Variants in SRSF7 observed in about 807,000 individuals in gnomAD.
The protein encoded by SRSF7 is serine and arginine rich splicing factor 7.
A neutral mutation model predicts 42.2 loss-of-function variants in SRSF7; 15 were observed. That is an observed-to-expected ratio of 0.36 (90% CI 0.24 to 0.55). The LOEUF is 0.55. SRSF7 is among the 20% of genes least tolerant of loss of function. The pLI, the probability that SRSF7 is intolerant of heterozygous loss-of-function variation, is 0.88. For synonymous variants in SRSF7, 138 were observed against 107.9 expected, an observed-to-expected ratio of 1.28 and a Z score of -1.73; for missense variants, 181 against 305.9, an observed-to-expected ratio of 0.59 and a Z score of 3.04.
chr2:38,748,197 T>C, intron 4 of SRSF7, 40 bp from the exon 5 acceptor site: 1 of 1,556,536 alleles, frequency 6.4e-7, no homozygotes. Flanking sequence ...ACAGTTTTTT[T>C]TTTTTTTGGC....
At chr2:38,746,107 T>C in intron 7 of SRSF7, 37 bp downstream of exon 7, 1 of 1,613,562 alleles carries the variant, frequency 6.2e-7, no homozygotes. Context: ...AGGCCACACT[T>C]GACAGGCAAG....
chr2:38,745,091 G>A lies in SRSF7; in HGVS notation c.*42C>T. 2.5e-6 allele frequency: 4 copies of A among 1,599,394 alleles called. No individual in the cohort carries two copies. Among genetic ancestry groups the A allele is most frequent in the Non-Finnish European group, 3.4e-6 (4 of 1,167,462 alleles). On this transcript the variant is annotated 3_prime_UTR_variant, in exon 8 of 8. Coordinates refer to ENST00000313117, the MANE Select transcript of SRSF7 (RefSeq NM_001031684.3). ...GACATCACAAATCCCTTATAATAAT[G>A]TAAACAAAATAACTTTTCCCTAAAG... is the stretch of plus-strand genomic sequence containing the variant.
intron 1 of SRSF7, 102 bp from the exon 2 acceptor site, chr2:38,750,296 A>G: frequency 9.2e-7 from 1 of 1,081,892 alleles, no homozygotes; most frequent in South Asian, 1.5e-5. Flanking sequence ...GATTGGGTAA[A>G]GCACATTTAA....
chr2:38,748,901 G>A, intron 3 of SRSF7: 1 of 1,371,162 alleles, frequency 7.3e-7, no homozygotes, highest in Non-Finnish European at 9.4e-7. Context: ...AATAAACCTT[G>A]CAAGTTTGCA....
intron 7 of SRSF7, 77 bp downstream of exon 7, chr2:38,746,067 T>G (rs1353674937): frequency 6.8e-7 from 1 of 1,470,082 alleles, no homozygotes; most frequent in Non-Finnish European, 9.5e-7. Context: ...GCTCAAAGAC[T>G]GCAAAGCAGT....
chr2:38,751,172 C>A, intron 1 of SRSF7, 57 bp downstream of exon 1: 1 of 1,608,566 alleles, frequency 6.2e-7, no homozygotes, highest in Middle Eastern at 1.7e-4. Flanking sequence ...AACCCTACGG[C>A]CTCGCAGTGC....
At position 38,746,831 on chromosome 2, in the gene SRSF7, C is replaced by A. The variant is rs908727220; in HGVS notation, c.573-84G>T. 1.4e-4 allele frequency: 219 copies of A among 1,582,008 alleles called. 1 individual carries two copies. Among genetic ancestry groups the A allele is most frequent in the Admixed American group, 7.3e-5 (4 of 55,048 alleles). On this transcript the variant is annotated intron_variant, in intron 5 of 7. Coordinates refer to ENST00000313117, the MANE Select transcript of SRSF7 (RefSeq NM_001031684.3). Reference sequence around the variant, plus strand: ...CTACTCAACACTGTATTAGGTTGGTCAGGCATAAAGAAGCTAAAACTAAAC... The same window carrying A: ...CTACTCAACACTGTATTAGGTTGGTAAGGCATAAAGAAGCTAAAACTAAAC...
At chr2:38,748,865 T>A in intron 3 of SRSF7, 19 of 1,380,312 alleles carry the variant, frequency 1.4e-5, no homozygotes, top group Non-Finnish European at 1.8e-5. Flanking sequence ...CATTACATAA[T>A]ATAAAACACT....
intron 5 of SRSF7, chr2:38,747,088 T>G (rs774609170): frequency 2.0e-6 from 1 of 488,892 alleles, no homozygotes; most frequent in Non-Finnish European, 4.2e-6. Flanking sequence ...ATCCCTCAGC[T>G]GGGCACTGTG....
chr2:38,743,956 T>TTA lies in SRSF7; in HGVS notation c.*1176_*1177insTA. ...CCTGGTAAAAGCTTGACCAGAAAAC[T>TTA]CTCAAAAGTAACTGTTACTGCCCTA... On this transcript the variant is annotated 3_prime_UTR_variant, in exon 8 of 8. Transcript: ENST00000313117. 1.3e-5 allele frequency: 2 copies of TTA among 151,334 alleles called. No homozygotes were observed. The highest frequency in any genetic ancestry group is 2.9e-5 in the Non-Finnish European group (2 of 67,954). The allele number at this position is 151,334 out of a possible 1,614,324, so 9.4% of individuals were successfully genotyped here. A position where few individuals can be genotyped will look rare whatever the true frequency, so the allele number is the denominator to read the frequency against.
chr2:38,749,951 C>G (rs567889772), intron 2 of SRSF7, 63 bp downstream of exon 2: 2 of 1,511,310 alleles, frequency 1.3e-6, no homozygotes, highest in Admixed American at 2.2e-5. Flanking sequence ...AAATTTAGCA[C>G]TAAGTTCATT....
chr2:38,746,294 T>G (rs968030514), intron 6 of SRSF7, 115 bp from the exon 7 acceptor site: 8 of 1,199,022 alleles, frequency 6.7e-6, no homozygotes, highest in South Asian at 1.3e-5. Flanking sequence ...AGACTGCACT[T>G]AAACTGAAAA....
chr2:38,751,440 C>T (rs1166367366), upstream of SRSF7: 1 of 762,588 alleles, frequency 1.3e-6, no homozygotes, highest in Non-Finnish European at 2.1e-6. Flanking sequence ...CTGCGCGGCA[C>T]AAAGGAGCTG....
chr2:38,746,947 A>G (rs975418194), intron 5 of SRSF7, 200 bp from the exon 6 acceptor site: 7 of 838,342 alleles, frequency 8.3e-6, no homozygotes, highest in Admixed American at 5.1e-5. Flanking sequence ...ACTTGTTTCT[A>G]TCACTCAATT....
At position 38,748,068 on chromosome 2, in the gene SRSF7, A is replaced by G; in HGVS notation, c.551T>C (p.Ile184Thr). ...ATACTGGAAATACCTCGATCCTTTT[A>G]TAGAACCAGACCTAGATCTTCTGAG... is the stretch of plus-strand genomic sequence containing the variant. Reference protein sequence around the residue: ...ASLRRSRSGSIKGSRYFQSPS... With the variant: ...ASLRRSRSGSTKGSRYFQSPS... The change falls in exon 5 of 8, where the codon ATA becomes ACA. Residue 184 changes from isoleucine to threonine, a missense_variant. By Grantham distance (89) the Ile-to-Thr change is moderately conservative. This residue lies in a region of SRSF7 where 136 missense variants were observed against 147.8 expected (regional missense o/e 0.92). Transcript: ENST00000313117. 2.5e-6 allele frequency: 4 copies of G among 1,613,542 alleles called. No homozygotes were observed. The highest frequency in any genetic ancestry group is 3.4e-6 in the Non-Finnish European group (4 of 1,179,620).
At chr2:38,749,735 A>C (rs1244260249) in intron 2 of SRSF7, 30 bp from the exon 3 acceptor site, 5 of 1,509,780 alleles carry the variant, frequency 3.3e-6, no homozygotes, top group Non-Finnish European at 4.4e-6. Context: ...AAAATTCTAA[A>C]GTTAAAAATA....
At chr2:38,749,753 G>C (rs747827406) in intron 2 of SRSF7, 48 bp from the exon 3 acceptor site, 1 of 1,471,494 alleles carries the variant, frequency 6.8e-7, no homozygotes, top group Non-Finnish European at 9.0e-7. Flanking sequence ...ATATATTCAG[G>C]ACTTATAGAT....
At chr2:38,749,412 A>G in intron 3 of SRSF7, 117 bp downstream of exon 3, 1 of 1,571,940 alleles carries the variant, frequency 6.4e-7, no homozygotes, top group South Asian at 1.2e-5. Context: ...AAAAATTGTA[A>G]AATACACCTG....
In SRSF7 at chr2:38,751,293, G is replaced by A; in HGVS notation, c.-37C>T. On this transcript the variant is annotated 5_prime_UTR_variant, in exon 1 of 8. Transcript: ENST00000313117. ...CGCGTGCTCGGCTCTTTAGCAAGCA[G>A]CGCCCAGGGCTCGAGTGACGCAAAA... The A allele has an allele frequency of 1.2e-6, 2 of 1,614,000 alleles. No individual in the cohort carries two copies. The highest frequency in any genetic ancestry group is 2.2e-5 in the East Asian group (1 of 44,876).
Sources: gnomAD v4.1 joint callset for allele counts on GRCh38, gnomAD v4.1.1 for gene constraint, gnomAD v4.1.1 regional missense constraint, MANE v1.5 for transcripts, NCBI Gene and HGNC (gene_info 2026-07-23, HGNC 2026-07-21) for gene names.